DLG2: variants seen among roughly 807,000 people sequenced by gnomAD.
The protein encoded by DLG2 is disks large homolog 2.
Under a neutral mutation model 132.5 loss-of-function variants are expected in DLG2, and 45 were observed. The ratio of observed to expected loss-of-function variants is 0.34; its 90% CI spans 0.27 to 0.44. DLG2 has a LOEUF of 0.44. Ranked by LOEUF, DLG2 falls within the 20% of genes least tolerant of loss-of-function variation. DLG2 has a pLI of 1.00. For missense variants in DLG2, 1,045 were observed against 1,196.9 expected (o/e 0.87, Z 1.87); for synonymous variants, 424 against 419.6 (o/e 1.01, Z -0.13).
At chr11:83,484,645 CAA>C (rs938013889) in intron 21 of DLG2, among the ~76,000 whole-genome samples, 3 of 152,096 alleles carry the variant, frequency 2.0e-5, no homozygotes, top group African/African-American at 4.8e-5. Context: ...GTGAGACTCA[CAA>C]AAGACAATGT....
intron 6 of DLG2, among the ~76,000 whole-genome samples, chr11:85,088,366 T>C (rs566934848): frequency 6.6e-6 from 1 of 152,226 alleles, no homozygotes; most frequent in Non-Finnish European, 1.5e-5. Flanking sequence ...TAAGAGCCTC[T>C]ACTGAGCATC....
At chr11:85,196,839 G>C (rs184661704) in intron 4 of DLG2, among the ~76,000 whole-genome samples, 5 of 152,128 alleles carry the variant, frequency 3.3e-5, no homozygotes, top group Admixed American at 6.6e-5. Context: ...AAATATAAAG[G>C]AAAGTGTTAA....
intron 6 of DLG2, among the ~76,000 whole-genome samples, chr11:84,555,310 T>C (rs1156733090): frequency 6.6e-6 from 1 of 152,102 alleles, no homozygotes; most frequent in Non-Finnish European, 1.5e-5. Context: ...TCCCAAAGAA[T>C]TGAAAGCAAG....
intron 9 of DLG2, among the ~76,000 whole-genome samples, chr11:84,110,456 C>T (rs1050202835): frequency 3.9e-5 from 6 of 151,976 alleles, no homozygotes; most frequent in Admixed American, 6.6e-5. Context: ...CTGTACTAGT[C>T]CAAGTCCTCT....
chr11:84,594,446 T>G (rs982829164), intron 6 of DLG2, among the ~76,000 whole-genome samples: 1 of 152,044 alleles, frequency 6.6e-6, no homozygotes, highest in Admixed American at 6.6e-5. Context: ...ACCCAAAAAA[T>G]GAAACTTAAA....
At chr11:84,842,980 A>T (rs1236179810) in intron 6 of DLG2, among the ~76,000 whole-genome samples, 1 of 152,032 alleles carries the variant, frequency 6.6e-6, no homozygotes, top group Non-Finnish European at 1.5e-5. Context: ...TCTTGACTTC[A>T]TAGTAAGAAC....
intron 7 of DLG2, among the ~76,000 whole-genome samples, chr11:84,294,409 C>G (rs2098058371): frequency 6.6e-6 from 1 of 152,080 alleles, no homozygotes; most frequent in Non-Finnish European, 1.5e-5. Context: ...ACCAGCCTGA[C>G]CAACATGGTG....
At chr11:85,619,884 A>T (rs1304985517) in intron 2 of DLG2, among the ~76,000 whole-genome samples, 1 of 152,190 alleles carries the variant, frequency 6.6e-6, no homozygotes, top group Non-Finnish European at 1.5e-5. Flanking sequence ...CAAACATGAA[A>T]ATTCAAATAC....
intron 7 of DLG2, among the ~76,000 whole-genome samples, chr11:84,403,726 T>C (rs548341717): frequency 6.6e-6 from 1 of 152,350 alleles, no homozygotes; most frequent in East Asian, 1.9e-4. Flanking sequence ...TTCTCACTCA[T>C]TTGATTCGGG....
chr11:84,192,611 T>C (rs927611941), intron 8 of DLG2, among the ~76,000 whole-genome samples: 5 of 152,068 alleles, frequency 3.3e-5, no homozygotes, highest in Non-Finnish European at 7.4e-5. Context: ...GCGCCTGTAG[T>C]CCCAGCTACT....
intron 11 of DLG2, among the ~76,000 whole-genome samples, chr11:84,051,982 G>A (rs1021046401): frequency 1.3e-5 from 2 of 151,690 alleles, no homozygotes; most frequent in Non-Finnish European, 2.9e-5. Context: ...TAAATGGAGA[G>A]GTCAAAAGCA....
At position 85,167,273 on chromosome 11, in the gene DLG2, C is replaced by A. The variant is rs746196870; in HGVS notation, c.187-12622G>T. ...AGTTGTACTCTGGAGTAATCCAATTCTATTAATATTTCCTGGGTCTCATAT... is the reference window on the plus strand; with the variant it reads ...AGTTGTACTCTGGAGTAATCCAATTATATTAATATTTCCTGGGTCTCATAT... On this transcript the variant is annotated intron_variant, in intron 4 of 27. Coordinates refer to ENST00000376104, the MANE Select transcript of DLG2 (RefSeq NM_001142699.3). 5.3e-5 allele frequency among the ~76,000 whole-genome samples: 8 copies of A among 152,138 alleles called. No homozygotes were observed. In the East Asian group the frequency reaches 1.5e-3, roughly 29 times the overall value.
intron 6 of DLG2, among the ~76,000 whole-genome samples, chr11:84,993,596 C>G (rs762555644): frequency 6.6e-6 from 1 of 152,136 alleles, no homozygotes; most frequent in East Asian, 1.9e-4. Flanking sequence ...TTTACTGCCT[C>G]GCCACTGCCT....
intron 3 of DLG2, among the ~76,000 whole-genome samples, chr11:85,583,336 T>C (rs147626941): frequency 1.8e-4 from 27 of 149,496 alleles, no homozygotes; most frequent in African/African-American, 5.9e-4. Flanking sequence ...CAGCTTTTTG[T>C]TGTTGTTGTT....
intron 7 of DLG2, among the ~76,000 whole-genome samples, chr11:84,370,774 G>GT (rs2098703002): frequency 6.6e-6 from 1 of 152,064 alleles, no homozygotes; most frequent in Non-Finnish European, 1.5e-5. Context: ...AGAAATTATT[G>GT]GTGAACTGAA....
At position 85,020,927 on chromosome 11, in the gene DLG2, G is replaced by A. The variant is rs757946578; in HGVS notation, c.357+90734C>T. 42 of 770,368 alleles carry A rather than the reference G, an allele frequency of 5.5e-5. 1 individual carries two copies. The highest frequency in any genetic ancestry group is 1.7e-4 in the South Asian group (13 of 74,506). 47.7% of individuals were successfully genotyped at this position (770,368 alleles called of 1,614,324 possible). On this transcript the variant is annotated intron_variant, in intron 6 of 27. Coordinates refer to ENST00000376104, the MANE Select transcript of DLG2 (RefSeq NM_001142699.3). ...CCTCCTCAGCAGGGTCATCTGCACC[G>A]CCCTCAGACTCCAACTTCACATTAG... is the stretch of plus-strand genomic sequence containing the variant.
At chr11:84,265,555 T>C (rs540533384) in intron 7 of DLG2, among the ~76,000 whole-genome samples, 1 of 152,268 alleles carries the variant, frequency 6.6e-6, no homozygotes, top group East Asian at 1.9e-4. Flanking sequence ...CATTTCAACT[T>C]TCTAAGCTTT....
chr11:83,903,486 C>A lies in DLG2; in HGVS notation c.1496+26842G>T, dbSNP rs139135404. 5.6e-3 allele frequency among the ~76,000 whole-genome samples: 854 copies of A among 152,178 alleles called. 7 individuals carry two copies. Among genetic ancestry groups the A allele is most frequent in the African/African-American group, 0.019 (809 of 41,538 alleles). Reference sequence around the variant, plus strand: ...TAAATAGTATTAATTGATTCTCAGTCTCAGAAAATGTTTCTGGTAGAAGTA... The same window carrying A: ...TAAATAGTATTAATTGATTCTCAGTATCAGAAAATGTTTCTGGTAGAAGTA... On this transcript the variant is annotated intron_variant, in intron 15 of 27. Transcript: ENST00000376104.
At chr11:84,590,378 G>A (rs759455772) in intron 6 of DLG2, among the ~76,000 whole-genome samples, 40 of 152,114 alleles carry the variant, frequency 2.6e-4, no homozygotes, top group Admixed American at 7.9e-4. Context: ...TGCTTGGCAC[G>A]TTTTTTCTCC....
Sources: gnomAD v4.1 joint callset for allele counts (sites outside exome capture counted in the v4.1 genomes callset) on GRCh38, gnomAD v4.1.1 for gene constraint, MANE v1.5 for transcripts, NCBI Gene and HGNC (gene_info 2026-07-23, HGNC 2026-07-21) for gene names.